FKBP2: variants seen among roughly 807,000 people sequenced by gnomAD.
FKBP2 encodes FKBP prolyl isomerase 2.
A neutral mutation model predicts 19.4 loss-of-function variants in FKBP2; 15 were observed. That is an observed-to-expected ratio of 0.77 (90% CI 0.52 to 1.19). FKBP2 has a LOEUF of 1.19. FKBP2 is among the 50% of genes most tolerant of loss of function. FKBP2 has a pLI of 0.00. For synonymous variants in FKBP2, 76 were observed against 74.8 expected, an observed-to-expected ratio of 1.02 and a Z score of -0.08; for missense variants, 170 against 179.0, an observed-to-expected ratio of 0.95 and a Z score of 0.29.
chr11:64,243,844 A>G lies in FKBP2; in HGVS notation c.335A>G (p.Tyr112Cys). 1 of 1,614,146 alleles carries G rather than the reference A, an allele frequency of 6.2e-7. No homozygotes were observed. Among genetic ancestry groups the G allele is most frequent in the Non-Finnish European group, 8.5e-7 (1 of 1,179,980 alleles). ...RKLVIPSELG[Y>C]GERGAPPKIP... Reference sequence around the variant, plus strand: ...TTTCTTTGTGCATCTTCAACAGGGTATGGAGAGCGGGGAGCTCCCCCAAAG... The same window carrying G: ...TTTCTTTGTGCATCTTCAACAGGGTGTGGAGAGCGGGGAGCTCCCCCAAAG... Residue 112 changes from tyrosine to cysteine, a missense_variant, in exon 5 of 6, where the codon TAT becomes TGT. Physicochemically the swap from Tyr to Cys is radical, Grantham distance 194. Transcript: ENST00000309366.
Position 64,242,597 on chromosome 11 carries a change from C to T in FKBP2, c.171+39C>T, listed in dbSNP as rs376366482. 1.8e-5 allele frequency: 28 copies of T among 1,517,126 alleles called. No homozygotes were observed. In the African/African-American group the frequency reaches 2.3e-4, roughly 13 times the overall value. 94.0% of individuals were successfully genotyped at this position (1,517,126 alleles called of 1,614,324 possible). Reference sequence around the variant, plus strand: ...GCGGGCCTTTTGGGAGTGGGTGGGGCTTCCGAGGACCAGAGAGTGCTTGGG... The same window carrying T: ...GCGGGCCTTTTGGGAGTGGGTGGGGTTTCCGAGGACCAGAGAGTGCTTGGG... On this transcript the variant is annotated intron_variant, in intron 2 of 5. Coordinates refer to ENST00000309366, the MANE Select transcript of FKBP2 (RefSeq NM_004470.4).
chr11:64,243,800 G>A (rs2030718005), intron 4 of FKBP2, 41 bp from the exon 5 acceptor site: 2 of 1,612,982 alleles, frequency 1.2e-6, no homozygotes, highest in Middle Eastern at 1.7e-4. Context: ...CTGGAAGGGA[G>A]CTTGGCCATC....
rs1247975720 is a variant in FKBP2, at chr11:64,244,109, A to C, written c.*80A>C. 9 of 1,479,974 alleles carry C rather than the reference A, an allele frequency of 6.1e-6. No homozygotes were observed. The highest frequency in any genetic ancestry group is 1.4e-5 in the African/African-American group (1 of 70,382). 91.7% of individuals were successfully genotyped at this position (1,479,974 alleles called of 1,614,324 possible). ...AAAAAAAAACAAAAAACAAAAACAA[A>C]CAAAAAAACACTTAAAAGCCCAAGG... On this transcript the variant is annotated 3_prime_UTR_variant, in exon 6 of 6. Transcript: ENST00000309366.
Position 64,243,249 on chromosome 11 carries a change from G to A in FKBP2, c.222G>A (p.Gln74=). The change falls in exon 3 of 6, where the codon CAG becomes CAA. Residue 74 remains glutamine, a synonymous_variant. Transcript: ENST00000309366. The stretch of plus-strand genomic sequence containing the variant: ...TTGACAGCAGCCTGCCCCAGAACCA[G>A]CCCTTTGTCTTCTCCCTTGGCACAG... The part of the protein sequence containing the change: ...TEFDSSLPQN[Q]PFVFSLGTGQ... 3 of 1,613,416 alleles carry A rather than the reference G, an allele frequency of 1.9e-6. No individual in the cohort carries two copies. The highest frequency in any genetic ancestry group is 2.5e-6 in the Non-Finnish European group (3 of 1,179,754).
intron 5 of FKBP2, 41 bp downstream of exon 5, chr11:64,243,917 C>T (rs759062024): frequency 6.2e-7 from 1 of 1,614,012 alleles, no homozygotes; most frequent in South Asian, 1.1e-5. Context: ...TGCAGCCAGC[C>T]CACCTCCCTG....
intron 1 of FKBP2, chr11:64,241,820 G>A (rs1397486739): frequency 1.3e-5 from 2 of 152,894 alleles, no homozygotes; most frequent in African/African-American, 4.8e-5. Context: ...ACCCCCAAGG[G>A]CTCAGAGTTG....
intron 1 of FKBP2, chr11:64,242,063 A>G: frequency 3.8e-6 from 1 of 262,600 alleles, no homozygotes. Context: ...GCGTAAAGGG[A>G]CAGGCGGGAA....
intron 4 of FKBP2, 168 bp downstream of exon 4, chr11:64,243,665 C>A: frequency 8.7e-7 from 1 of 1,149,396 alleles, no homozygotes; most frequent in Non-Finnish European, 1.3e-6. Flanking sequence ...ATCATTGAAG[C>A]ACTCAGCTGT....
intron 2 of FKBP2, among the ~76,000 whole-genome samples, chr11:64,242,924 T>G (rs2030625667): frequency 6.6e-6 from 1 of 152,108 alleles, no homozygotes; most frequent in Non-Finnish European, 1.5e-5. Context: ...AATACAAAAT[T>G]AGCCAGGCGT....
At chr11:64,242,206 C>G (rs959828923) in intron 1 of FKBP2, 178 bp from the exon 2 acceptor site, 2 of 552,076 alleles carry the variant, frequency 3.6e-6, no homozygotes, top group African/African-American at 4.0e-5. Context: ...CCCCTTCTCA[C>G]TGGACTGGTA....
chr11:64,242,175 T>A (rs2030550164), intron 1 of FKBP2: 1 of 485,782 alleles, frequency 2.1e-6, no homozygotes, highest in African/African-American at 2.0e-5. Context: ...CTCCCCCCGC[T>A]GCTGGGGTCC....
intron 1 of FKBP2, chr11:64,242,071 G>A: frequency 3.5e-6 from 1 of 288,958 alleles, no homozygotes; most frequent in Non-Finnish European, 6.5e-6. Flanking sequence ...GGACAGGCGG[G>A]AACTGAAGAG....
In FKBP2 at chr11:64,244,117, A is replaced by C; in HGVS notation, c.*88A>C. 1 of 1,468,976 alleles carries C rather than the reference A, an allele frequency of 6.8e-7. No homozygotes were observed. The highest frequency in any genetic ancestry group is 1.2e-5 in the South Asian group (1 of 85,122). 91.0% of individuals were successfully genotyped at this position (1,468,976 alleles called of 1,614,324 possible). On this transcript the variant is annotated 3_prime_UTR_variant, in exon 6 of 6. Transcript: ENST00000309366. Reference sequence around the variant, plus strand: ...ACAAAAAACAAAAACAAACAAAAAAACACTTAAAAGCCCAAGGAGTAAGCC... The same window carrying C: ...ACAAAAAACAAAAACAAACAAAAAACCACTTAAAAGCCCAAGGAGTAAGCC...
intron 4 of FKBP2, 150 bp downstream of exon 4, chr11:64,243,647 A>T (rs2030704088): frequency 1.7e-6 from 2 of 1,195,792 alleles, no homozygotes; most frequent in African/African-American, 1.5e-5. Context: ...CAGTGAGTAC[A>T]GGGCAAGATC....
chr11:64,244,091 A>C lies in FKBP2; in HGVS notation c.*62A>C, dbSNP rs1407644221. The C allele has an allele frequency of 5.1e-6, 8 of 1,560,082 alleles. No individual in the cohort carries two copies. The highest frequency in any genetic ancestry group is 4.5e-5 in the East Asian group (2 of 44,544). Reference sequence around the variant, plus strand: ...AGGGACCAGACTGTTCCAAAAAAAAAACAAAAAACAAAAACAAACAAAAAA... The same window carrying C: ...AGGGACCAGACTGTTCCAAAAAAAACACAAAAAACAAAAACAAACAAAAAA... On this transcript the variant is annotated 3_prime_UTR_variant, in exon 6 of 6. Transcript: ENST00000309366.
intron 4 of FKBP2, 43 bp downstream of exon 4, chr11:64,243,540 G>A: frequency 6.2e-7 from 1 of 1,609,020 alleles, no homozygotes; most frequent in Non-Finnish European, 8.5e-7. Flanking sequence ...TTTGGGGTGT[G>A]TGACTGGGAA....
At chr11:64,243,791 T>C (rs760462558) in intron 4 of FKBP2, 50 bp from the exon 5 acceptor site, 1 of 1,609,712 alleles carries the variant, frequency 6.2e-7, no homozygotes, top group South Asian at 1.1e-5. Context: ...TTGCCCACAC[T>C]GGAAGGGAGC....
Position 64,242,704 on chromosome 11 carries a change from G to T in FKBP2, c.171+146G>T, listed in dbSNP as rs963564474. 5.5e-6 allele frequency: 5 copies of T among 902,162 alleles called. No individual in the cohort carries two copies. The South Asian group carries it at 9.9e-5, about 18-fold the overall frequency. 55.9% of individuals were successfully genotyped at this position (902,162 alleles called of 1,614,324 possible). ...AAGCCAGTTTCCATGGTTCTGCCTT[G>T]CCCTTGCCTACTGCCCAGGTGGGCA... On this transcript the variant is annotated intron_variant, in intron 2 of 5. Coordinates refer to ENST00000309366, the MANE Select transcript of FKBP2 (RefSeq NM_004470.4).
intron 1 of FKBP2, among the ~76,000 whole-genome samples, chr11:64,241,393 C>G (rs1361221049): frequency 1.3e-5 from 2 of 150,282 alleles, no homozygotes; most frequent in African/African-American, 4.9e-5. Context: ...AAGGCGGAGC[C>G]CGGCGGCGGG....
Sources: allele counts gnomAD v4.1 joint callset (sites outside exome capture counted in the v4.1 genomes callset), GRCh38; gene constraint gnomAD v4.1.1; transcripts MANE v1.5; gene names NCBI Gene and HGNC (gene_info 2026-07-23, HGNC 2026-07-21).